Variants in PRKAR1A observed in about 807,000 individuals in gnomAD.
The protein encoded by PRKAR1A is protein kinase cAMP-dependent type I regulatory subunit alpha.
In PRKAR1A, 3 loss-of-function variants were observed where a neutral mutation model predicts 52.0. That is an observed-to-expected ratio of 0.06 (90% CI 0.03 to 0.15). PRKAR1A has a LOEUF of 0.15. PRKAR1A is among the 10% of genes least tolerant of loss of function. PRKAR1A has a pLI of 1.00. For synonymous variants in PRKAR1A, 188 were observed against 168.4 expected, an observed-to-expected ratio of 1.12 and a Z score of -0.90; for missense variants, 240 against 477.4, an observed-to-expected ratio of 0.50 and a Z score of 4.63.
At chr17:68,430,707 T>C in the PRKAR1A span, among the ~76,000 whole-genome samples, 69 of 152,304 alleles carry the variant, frequency 4.5e-4, no homozygotes, top group African/African-American at 1.5e-3. Context: ...ACCTGGGATG[T>C]CGCCTACAGT....
chr17:68,457,771 C>T, the PRKAR1A span, among the ~76,000 whole-genome samples: 5 of 152,136 alleles, frequency 3.3e-5, no homozygotes, highest in Non-Finnish European at 4.4e-5. Flanking sequence ...CGGACCCGCC[C>T]GGCTGGCGAC....
At chr17:68,472,193 C>A in the PRKAR1A span, among the ~76,000 whole-genome samples, 1 of 152,180 alleles carries the variant, frequency 6.6e-6, no homozygotes, top group African/African-American at 2.4e-5. Context: ...ACCCACACAA[C>A]CCCTTTCTTC....
the PRKAR1A span, among the ~76,000 whole-genome samples, chr17:68,501,840 C>T: frequency 6.6e-6 from 1 of 152,316 alleles, no homozygotes; most frequent in Non-Finnish European, 1.5e-5. Flanking sequence ...AAACTGAACA[C>T]ATTCCAAAAT....
chr17:68,529,600 A>G (rs1299102660), intron 9 of PRKAR1A, among the ~76,000 whole-genome samples: 2 of 152,230 alleles, frequency 1.3e-5, no homozygotes, highest in South Asian at 2.1e-4. Context: ...AGCAGCCACA[A>G]ATAATATGTA....
chr17:68,431,860 T>C, the PRKAR1A span, among the ~76,000 whole-genome samples: 2 of 51,918 alleles, frequency 3.9e-5, no homozygotes, highest in East Asian at 8.8e-4. Flanking sequence ...GAGTGGAAAA[T>C]CAATCTCTGA....
chr17:68,532,491 GCTTTAT>G lies in PRKAR1A; in HGVS notation c.*2047_*2052del. On this transcript the variant is annotated 3_prime_UTR_variant, in exon 11 of 11. Coordinates refer to ENST00000589228, the MANE Select transcript of PRKAR1A (RefSeq NM_002734.5). ...ACATTAAACAATGATCACATCTAAAGCTTTATCTTTGTGTAATCTAAGTATATGTGA... is the reference window on the plus strand; with the variant it reads ...ACATTAAACAATGATCACATCTAAAGCTTTGTGTAATCTAAGTATATGTGA... 1 of 1,061,358 alleles carries G rather than the reference GCTTTAT, an allele frequency of 9.4e-7. No homozygotes were observed. 65.7% of individuals were successfully genotyped at this position (1,061,358 alleles called of 1,614,324 possible). A position where few individuals can be genotyped will look rare whatever the true frequency, so the allele number is the denominator to read the frequency against.
chr17:68,542,932 C>T (rs149040616), intron 11 of PRKAR1A: 8 of 746,018 alleles, frequency 1.1e-5, no homozygotes, highest in South Asian at 2.8e-5. Context: ...GCCGGTGAGG[C>T]GTGACTCTGC....
chr17:68,551,282 T>C (rs972055605), exon 12 of PRKAR1A: 2 of 457,018 alleles, frequency 4.4e-6, no homozygotes, highest in Admixed American at 4.4e-5. Context: ...GTAGTTGCTG[T>C]TGTTATGAAT....
Position 68,532,518 on chromosome 17 carries a change from T to C in PRKAR1A, c.*2069T>C. 1 of 1,063,292 alleles carries C rather than the reference T, an allele frequency of 9.4e-7. No individual in the cohort carries two copies. Among genetic ancestry groups the C allele is most frequent in the Non-Finnish European group, 1.1e-6 (1 of 877,140 alleles). The allele number at this position is 1,063,292 out of a possible 1,614,324, so 65.9% of individuals were successfully genotyped here. A position where few individuals can be genotyped will look rare whatever the true frequency, so the allele number is the denominator to read the frequency against. The stretch of plus-strand genomic sequence containing the variant: ...TTTATCTTTGTGTAATCTAAGTATA[T>C]GTGAGAAATCAGAATTGGCATAATT... On this transcript the variant is annotated 3_prime_UTR_variant, in exon 11 of 11. Transcript: ENST00000589228.
chr17:68,421,594 C>A, the PRKAR1A span: 6 of 770,598 alleles, frequency 7.8e-6, no homozygotes, highest in Non-Finnish European at 1.3e-5. Context: ...CCATTGGCAA[C>A]CAGGGTCGTG....
the PRKAR1A span, chr17:68,420,256 C>A: frequency 6.2e-7 from 1 of 1,614,160 alleles, no homozygotes; most frequent in African/African-American, 1.3e-5. Flanking sequence ...TGATTTTCAA[C>A]CTGGAAGACG....
downstream of PRKAR1A, chr17:68,536,962 G>T (rs1242407179): frequency 6.6e-6 from 3 of 454,270 alleles, no homozygotes; most frequent in Admixed American, 7.0e-5. Flanking sequence ...TAGAATATGA[G>T]TAGAAAGTGT....
intron 2 of PRKAR1A, among the ~76,000 whole-genome samples, chr17:68,517,271 T>C (rs1406211342): frequency 6.6e-6 from 1 of 152,194 alleles, no homozygotes; most frequent in African/African-American, 2.4e-5. Flanking sequence ...TTTAAGTAAT[T>C]AGATTTTCAA....
chr17:68,540,823 C>T (rs1271951433), intron 11 of PRKAR1A: 4 of 1,574,494 alleles, frequency 2.5e-6, no homozygotes, highest in Non-Finnish European at 3.5e-6. Flanking sequence ...CCCACTTCTG[C>T]TGGGGGCCTG....
the PRKAR1A span, chr17:68,436,590 A>T: frequency 1.0e-6 from 1 of 956,474 alleles, no homozygotes; most frequent in East Asian, 2.6e-5. Context: ...TGGCAAGGGG[A>T]GGAATGGCTT....
At chr17:68,420,383 A>T in the PRKAR1A span, 7 of 1,614,156 alleles carry the variant, frequency 4.3e-6, no homozygotes, top group South Asian at 7.7e-5. Flanking sequence ...CAACATCTCC[A>T]GCGCAGATTA....
At chr17:68,462,345 T>G in the PRKAR1A span, among the ~76,000 whole-genome samples, 9 of 152,218 alleles carry the variant, frequency 5.9e-5, no homozygotes, top group Non-Finnish European at 7.3e-5. Context: ...CTGTTACCCA[T>G]GCCAGTGCAG....
the PRKAR1A span, among the ~76,000 whole-genome samples, chr17:68,431,199 GC>G: frequency 1.3e-4 from 20 of 152,336 alleles, no homozygotes; most frequent in African/African-American, 4.8e-4. Context: ...AATATGCGGT[GC>G]TGCACAGATG....
chr17:68,467,570 G>C, the PRKAR1A span, among the ~76,000 whole-genome samples: 1 of 152,206 alleles, frequency 6.6e-6, no homozygotes, highest in Non-Finnish European at 1.5e-5. Context: ...TTCTCACTGA[G>C]TCAAAGCCCT....
Sources: allele counts gnomAD v4.1 joint callset (sites outside exome capture counted in the v4.1 genomes callset), GRCh38; gene constraint gnomAD v4.1.1; transcripts MANE v1.5; gene names NCBI Gene and HGNC (gene_info 2026-07-23, HGNC 2026-07-21).